Variants in MDGA2 observed in about 807,000 individuals in gnomAD.
MDGA2 encodes the protein MAM domain-containing glycosylphosphatidylinositol anchor protein 2.
Under a neutral mutation model 117.8 loss-of-function variants are expected in MDGA2, and 40 were observed. That is an observed-to-expected ratio of 0.34 (90% CI 0.26 to 0.44). The LOEUF (loss-of-function observed/expected upper bound fraction) is 0.44. MDGA2 is among the 20% of genes least tolerant of loss of function. MDGA2 has a pLI of 1.00. For missense variants in MDGA2, 1,123 were observed against 1,250.6 expected (o/e 0.90, Z 1.54); for synonymous variants, 452 against 439.0 (o/e 1.03, Z -0.37).
chr14:47,158,743 C>G (rs183895438), intron 3 of MDGA2, among the ~76,000 whole-genome samples: 1 of 152,160 alleles, frequency 6.6e-6, no homozygotes, highest in Non-Finnish European at 1.5e-5. Flanking sequence ...GCGTGAGCAA[C>G]GCCCAGCTAG....
At chr14:47,307,652 C>G (rs781368652) in intron 1 of MDGA2, among the ~76,000 whole-genome samples, 52 of 151,346 alleles carry the variant, frequency 3.4e-4, no homozygotes, top group Non-Finnish European at 7.1e-4. Context: ...CTTGTCACTG[C>G]ACTCCAGCCT....
chr14:46,864,695 A>C (rs553665430), intron 14 of MDGA2, among the ~76,000 whole-genome samples: 1 of 151,794 alleles, frequency 6.6e-6, no homozygotes, highest in African/African-American at 2.4e-5. Flanking sequence ...TATCAGCATT[A>C]AATACCAACA....
At chr14:47,034,690 T>C (rs112315576) in intron 8 of MDGA2, among the ~76,000 whole-genome samples, 2,599 of 151,102 alleles carry the variant, frequency 0.017, 73 homozygotes, top group African/African-American at 0.059. Flanking sequence ...ACATGGACAG[T>C]TTCTCACCAT....
intron 1 of MDGA2, among the ~76,000 whole-genome samples, chr14:47,509,466 A>C (rs1263932398): frequency 6.6e-6 from 1 of 152,188 alleles, no homozygotes; most frequent in East Asian, 1.9e-4. Flanking sequence ...AGCTGTGCCC[A>C]GCAGAGCACT....
At chr14:47,502,372 T>C (rs1363249448) in intron 1 of MDGA2, among the ~76,000 whole-genome samples, 5 of 152,094 alleles carry the variant, frequency 3.3e-5, no homozygotes, top group Admixed American at 6.5e-5. Context: ...TAAATGCATA[T>C]ACTCAATGAT....
chr14:47,295,339 A>G (rs1470070808), intron 2 of MDGA2, among the ~76,000 whole-genome samples: 1 of 152,234 alleles, frequency 6.6e-6, no homozygotes, highest in African/African-American at 2.4e-5. Context: ...GGTTACAATT[A>G]AATTGTATTG....
chr14:47,182,909 TCTCA>T (rs1884766552), intron 3 of MDGA2, among the ~76,000 whole-genome samples: 1 of 152,128 alleles, frequency 6.6e-6, no homozygotes, highest in Non-Finnish European at 1.5e-5. Flanking sequence ...TCAGGTGTGT[TCTCA>T]CTCTTTACAG....
chr14:46,895,705 C>T (rs917133932), intron 10 of MDGA2, among the ~76,000 whole-genome samples: 17 of 149,658 alleles, frequency 1.1e-4, no homozygotes, highest in Non-Finnish European at 1.6e-4. Context: ...CCAGCCTGGG[C>T]GACAGAGCAA....
At chr14:47,226,066 G>T (rs567546903) in intron 2 of MDGA2, among the ~76,000 whole-genome samples, 1 of 151,998 alleles carries the variant, frequency 6.6e-6, no homozygotes, top group African/African-American at 2.4e-5. Context: ...GAGGCAGAAG[G>T]ATGGATTGAA....
chr14:47,105,307 CTCTGTGCCCCAATCCCTTATT>C (rs1227298458), intron 5 of MDGA2, among the ~76,000 whole-genome samples: 1 of 152,064 alleles, frequency 6.6e-6, no homozygotes, highest in Admixed American at 6.6e-5. Flanking sequence ...GACCTCTTAT[CTCTGTGCCCCAATCCCTTATT>C]TCTGTGCCCC....
chr14:47,048,260 T>C (rs1320879419), intron 7 of MDGA2, among the ~76,000 whole-genome samples: 2 of 152,102 alleles, frequency 1.3e-5, no homozygotes, highest in Non-Finnish European at 2.9e-5. Context: ...AATTATGTTA[T>C]TGCTTTCTGG....
intron 8 of MDGA2, among the ~76,000 whole-genome samples, chr14:46,958,855 G>A (rs1316788496): frequency 6.6e-6 from 1 of 152,170 alleles, no homozygotes; most frequent in Admixed American, 6.5e-5. Flanking sequence ...AACACTTGCT[G>A]TATGACACAA....
chr14:47,255,919 G>A (rs1887602023), intron 2 of MDGA2, among the ~76,000 whole-genome samples: 1 of 151,930 alleles, frequency 6.6e-6, no homozygotes, highest in South Asian at 2.1e-4. Context: ...GTTAACTGAT[G>A]TTATCCCATC....
At chr14:47,006,871 A>C (rs1399503992) in intron 8 of MDGA2, among the ~76,000 whole-genome samples, 2 of 151,728 alleles carry the variant, frequency 1.3e-5, no homozygotes. Flanking sequence ...AAAACAGAAA[A>C]GTATGCATTA....
chr14:47,611,799 A>C (rs1330948957), intron 1 of MDGA2, among the ~76,000 whole-genome samples: 1 of 152,186 alleles, frequency 6.6e-6, no homozygotes, highest in Non-Finnish European at 1.5e-5. Context: ...AGCCAATGAA[A>C]ATAACAGGAT....
intron 5 of MDGA2, among the ~76,000 whole-genome samples, chr14:47,124,118 C>T (rs1165215973): frequency 1.3e-5 from 2 of 151,898 alleles, no homozygotes; most frequent in African/African-American, 4.8e-5. Context: ...ATTAAAGCAC[C>T]CATATTTCCA....
At position 47,674,841 on chromosome 14, in the gene MDGA2, A is replaced by G. The variant is rs1369717709; in HGVS notation, c.-45T>C. ...CACTCACACACTCTCCCACAACACAATACCCTGACACACACTCACACGCAC... is the reference window on the plus strand; with the variant it reads ...CACTCACACACTCTCCCACAACACAGTACCCTGACACACACTCACACGCAC... On this transcript the variant is annotated 5_prime_UTR_variant, in exon 1 of 17. Transcript: ENST00000399232. The G allele has an allele frequency of 3.3e-6, 2 of 608,696 alleles. No homozygotes were observed. Among genetic ancestry groups the G allele is most frequent in the Non-Finnish European group, 5.8e-6 (2 of 344,754 alleles). 37.7% of individuals were successfully genotyped at this position (608,696 alleles called of 1,614,324 possible). A position where few individuals can be genotyped will look rare whatever the true frequency, so the allele number is the denominator to read the frequency against.
Position 47,246,287 on chromosome 14 carries a change from A to C in MDGA2, c.421-28092T>G, listed in dbSNP as rs558871685. 2.3e-4 allele frequency among the ~76,000 whole-genome samples: 35 copies of C among 151,912 alleles called. 1 individual carries two copies. In the South Asian group the frequency reaches 6.9e-3, roughly 30 times the overall value. On this transcript the variant is annotated intron_variant, in intron 2 of 16. Transcript: ENST00000399232. ...AGTTTGTTCCCAGTAATAGCTAGCC[A>C]AAAATTTATCAGTCCTTCCCCCGAT...
intron 11 of MDGA2, among the ~76,000 whole-genome samples, chr14:46,877,756 G>A (rs574530529): frequency 6.6e-6 from 1 of 151,734 alleles, no homozygotes; most frequent in Non-Finnish European, 1.5e-5. Flanking sequence ...AATAGCACAG[G>A]AAATGTTCCC....
Sources: allele counts gnomAD v4.1 joint callset (sites outside exome capture counted in the v4.1 genomes callset), GRCh38; gene constraint gnomAD v4.1.1; transcripts MANE v1.5; gene names NCBI Gene and HGNC (gene_info 2026-07-23, HGNC 2026-07-21).